The following SYTL2 variants were observed in gnomAD, a reference collection of about 807,000 sequenced individuals.
SYTL2 encodes the protein synaptotagmin like 2.
A neutral mutation model predicts 198.7 loss-of-function variants in SYTL2; 165 were observed. That is an observed-to-expected ratio of 0.83 (90% confidence interval 0.73 to 0.94). SYTL2 has a LOEUF of 0.94. Ranked by LOEUF, SYTL2 falls within the 40% of genes least tolerant of loss-of-function variation. The probability of loss-of-function intolerance (pLI) is 0.00; values close to 1 mark genes in which losing one functional copy is unlikely to be tolerated. For synonymous variants in SYTL2, 966 were observed against 917.7 expected (o/e 1.05, Z -0.95); for missense variants, 2,835 against 2,582.8 (o/e 1.10, Z -2.12).
In SYTL2 at chr11:85,757,711, G is replaced by C; in HGVS notation, c.15C>G (p.Ser5Arg). ...CCTCTTGTTCCTCTTCAGTCAGGAA[G>C]CTTAAGTCAATCATTTTGAAAAGTG... The part of the protein sequence containing the change: MIDL[S>R]FLTEEEQEAI... Residue 5 changes from serine (S) to arginine (R), a missense_variant, in exon 2 of 20, where the codon AGC becomes AGG. Physicochemically the swap from Ser to Arg is moderately radical, Grantham distance 110. Coordinates refer to ENST00000359152, the MANE Select transcript of SYTL2 (RefSeq NM_206927.4). 6.2e-7 allele frequency: 1 copy of C among 1,612,998 alleles called. No individual in the cohort carries two copies. The highest frequency in any genetic ancestry group is 8.5e-7 in the Non-Finnish European group (1 of 1,179,910).
intron 16 of SYTL2, among the ~76,000 whole-genome samples, chr11:85,703,150 A>G (rs2084604884): frequency 6.6e-6 from 1 of 152,150 alleles, no homozygotes; most frequent in Non-Finnish European, 1.5e-5. Context: ...ACAGAATAAA[A>G]AGGTATAACA....
At chr11:85,704,228 T>C (rs2084782579) in intron 16 of SYTL2, among the ~76,000 whole-genome samples, 1 of 151,958 alleles carries the variant, frequency 6.6e-6, no homozygotes, top group Non-Finnish European at 1.5e-5. Context: ...AGGAAGCTAA[T>C]AGAGCTATAT....
At chr11:85,800,951 G>T (rs554951614) in intron 1 of SYTL2, among the ~76,000 whole-genome samples, 2 of 152,106 alleles carry the variant, frequency 1.3e-5, no homozygotes, top group Non-Finnish European at 2.9e-5. Context: ...AGGTAATGTC[G>T]GGTTTTCCCT....
In SYTL2 at chr11:85,726,905, C is replaced by T. The variant is rs760719344; in HGVS notation, c.2453G>A (p.Ser818Asn). 6.5e-7 allele frequency: 1 copy of T among 1,536,554 alleles called. No homozygotes were observed. Among genetic ancestry groups the T allele is most frequent in the South Asian group, 1.2e-5 (1 of 83,988 alleles). Residue 818 changes from serine (S) to asparagine (N), a missense_variant, in exon 8 of 20, where the codon AGC becomes AAC. Coordinates refer to ENST00000359152, the MANE Select transcript of SYTL2 (RefSeq NM_206927.4). ...ITHEKPTSSC[S>N]QEQPSAKAYQ... ...TGCTTTAGCAGAAGGTTGTTCCTGG[C>T]TACATGAAGATGTGGGTTTTTCATG...
intron 11 of SYTL2, chr11:85,716,809 G>A (rs1305504844): frequency 6.6e-6 from 1 of 151,904 alleles, no homozygotes; most frequent in African/African-American, 2.4e-5. Flanking sequence ...TCACAGCTAA[G>A]TAGAGTAATC....
chr11:85,725,179 A>G lies in SYTL2; in HGVS notation c.4179T>C (p.Pro1393=). The change falls in exon 8 of 20, where the codon CCT becomes CCC. Residue 1393 remains proline (P), a synonymous_variant. Coordinates refer to ENST00000359152, the MANE Select transcript of SYTL2 (RefSeq NM_206927.4). ...LSYPAGREVG[P]GEVNPEFPEA... is the part of the protein sequence containing the mutation. The stretch of plus-strand genomic sequence containing the variant: ...CAGGAAATTCTGGGTTCACTTCTCC[A>G]GGACCTACTTCCCTTCCAGCTGGAT... 1 of 1,614,146 alleles carries G rather than the reference A, an allele frequency of 6.2e-7. No individual in the cohort carries two copies. The highest frequency in any genetic ancestry group is 8.5e-7 in the Non-Finnish European group (1 of 1,179,988).
At chr11:85,755,735 T>C (rs76391827) in intron 2 of SYTL2, among the ~76,000 whole-genome samples, 1 of 152,078 alleles carries the variant, frequency 6.6e-6, no homozygotes, top group Non-Finnish European at 1.5e-5. Context: ...CAGACAAGAC[T>C]CAGCAGCTTG....
chr11:85,730,759 G>T (rs923209117), intron 7 of SYTL2, among the ~76,000 whole-genome samples: 2 of 150,508 alleles, frequency 1.3e-5, no homozygotes, highest in East Asian at 2.0e-4. Flanking sequence ...TCAGGCAAGA[G>T]AAAAAAAAAA....
At chr11:85,810,028 C>T (rs1323678715) in intron 1 of SYTL2, among the ~76,000 whole-genome samples, 1 of 152,206 alleles carries the variant, frequency 6.6e-6, no homozygotes, top group Admixed American at 6.5e-5. Flanking sequence ...AACAAGGGGA[C>T]GGGAAGCTGG....
chr11:85,827,109 T>G, the SYTL2 span, among the ~76,000 whole-genome samples: 3 of 152,220 alleles, frequency 2.0e-5, no homozygotes, highest in Non-Finnish European at 4.4e-5. Flanking sequence ...TGGCTTTCAA[T>G]CATTTTTTTA....
chr11:85,809,102 T>C (rs1237219423), intron 1 of SYTL2, among the ~76,000 whole-genome samples: 1 of 152,214 alleles, frequency 6.6e-6, no homozygotes, highest in Non-Finnish European at 1.5e-5. Flanking sequence ...CTCACATTTC[T>C]ACAAGGCAGC....
rs138955193 is a variant in SYTL2 at position 85,724,139 on chromosome 11, G to A, written c.5219C>T (p.Ser1740Leu). The A allele has an allele frequency of 1.6e-5, 25 of 1,598,664 alleles. No homozygotes were observed. In the East Asian group the frequency reaches 2.7e-4, roughly 17 times the overall value. ...CTCTTTCTCTTGTTTCATATATGGC[G>A]ATGCTAGAGTCAATTCAACTTTACT... ...KTSKVELTLA[S>L]PYMKQEKEEE... The change falls in exon 8 of 20, where the codon TCG (serine) becomes TTG (leucine). Residue 1740 changes from serine (S) to leucine (L), a missense_variant. Physicochemically the swap from Ser to Leu is moderately radical, Grantham distance 145 (BLOSUM62 -2). Transcript: ENST00000359152.
the SYTL2 span, among the ~76,000 whole-genome samples, chr11:85,832,535 A>G: frequency 2.0e-5 from 3 of 152,208 alleles, no homozygotes; most frequent in Non-Finnish European, 4.4e-5. Flanking sequence ...AAATATAACT[A>G]CACAAATAAT....
Position 85,695,142 on chromosome 11 carries a change from T to G in SYTL2, c.*53A>C. 1 of 1,552,124 alleles carries G rather than the reference T, an allele frequency of 6.4e-7. No homozygotes were observed. Among genetic ancestry groups the G allele is most frequent in the Non-Finnish European group, 8.7e-7 (1 of 1,143,096 alleles). On this transcript the variant is annotated 3_prime_UTR_variant, in exon 20 of 20. Transcript: ENST00000359152. Reference sequence around the variant, plus strand: ...TGTCCACCTACTCAGATTTTCAAGATCAGATTCCACCGGTTTAGTAGTTTT... The same window carrying G: ...TGTCCACCTACTCAGATTTTCAAGAGCAGATTCCACCGGTTTAGTAGTTTT...
At chr11:85,790,230 T>A (rs2092709730) in intron 1 of SYTL2, among the ~76,000 whole-genome samples, 1 of 152,214 alleles carries the variant, frequency 6.6e-6, no homozygotes, top group South Asian at 2.1e-4. Flanking sequence ...TCAAAATGTT[T>A]AGGTTTTGGA....
At position 85,760,695 on chromosome 11, in the gene SYTL2, G is replaced by C. The variant is rs1019193878; in HGVS notation, c.-389-2581C>G. 4.6e-5 allele frequency among the ~76,000 whole-genome samples: 7 copies of C among 152,244 alleles called. No individual in the cohort carries two copies. In the South Asian group the frequency reaches 1.5e-3, roughly 32 times the overall value. On this transcript the variant is annotated intron_variant, in intron 1 of 19. Coordinates refer to ENST00000359152, the MANE Select transcript of SYTL2 (RefSeq NM_206927.4). ...AACAATGAAAAACTTAGGTCGTCTA[G>C]CAGTGGTAACTGGCAGGGTTGCTGA...
intron 1 of SYTL2, among the ~76,000 whole-genome samples, chr11:85,801,089 C>A (rs1413996345): frequency 6.6e-6 from 1 of 152,228 alleles, no homozygotes; most frequent in South Asian, 2.1e-4. Flanking sequence ...TAGCTTCTTG[C>A]CATTTCCCAT....
At chr11:85,719,231 G>T in intron 9 of SYTL2, 1 of 1,204,980 alleles carries the variant, frequency 8.3e-7, no homozygotes, top group South Asian at 1.5e-5. Flanking sequence ...ACAAATATTT[G>T]TGTGTGTGCA....
intron 1 of SYTL2, among the ~76,000 whole-genome samples, chr11:85,777,632 C>T (rs1041091199): frequency 1.3e-5 from 2 of 150,336 alleles, no homozygotes; most frequent in Admixed American, 1.3e-4. Flanking sequence ...GATTTAATCC[C>T]CCCCCAACCC....
Sources: allele counts gnomAD v4.1 joint callset (sites outside exome capture counted in the v4.1 genomes callset), GRCh38; gene constraint gnomAD v4.1.1; transcripts MANE v1.5; gene names NCBI Gene and HGNC (gene_info 2026-07-23, HGNC 2026-07-21).